RSF1: variants seen among roughly 807,000 people sequenced by gnomAD.
RSF1 encodes the protein remodeling and spacing factor 1, also known as HBV pX-associated protein 8.
Under a neutral mutation model 145.2 loss-of-function variants are expected in RSF1, and 13 were observed. The observed-to-expected ratio is 0.09, with a 90% CI of 0.06 to 0.14. RSF1 has a LOEUF of 0.14. Ranked by LOEUF, RSF1 falls within the 10% of genes least tolerant of loss-of-function variation. RSF1 has a pLI of 1.00. For synonymous variants in RSF1, 577 were observed against 592.6 expected (o/e 0.97, Z 0.38); for missense variants, 1,517 against 1,718.2 (o/e 0.88, Z 2.07).
chr11:77,788,222 G>GCTTT (rs1016143256), intron 1 of RSF1, among the ~76,000 whole-genome samples: 10 of 115,834 alleles, frequency 8.6e-5, no homozygotes, highest in African/African-American at 3.2e-4. Context: ...GGCATGCAAA[G>GCTTT]GAAGCAGAAA....
rs1255699249 is a variant in RSF1, at chr11:77,662,412, G to T, written c.*4505C>A. On this transcript the variant is annotated 3_prime_UTR_variant, in exon 16 of 16. Coordinates refer to ENST00000308488, the MANE Select transcript of RSF1 (RefSeq NM_016578.4). ...GGGTTTGCATGAATGAATACAAAAAGTGGTGAGTGTATACTCTAAAGTGGT... is the reference window on the plus strand; with the variant it reads ...GGGTTTGCATGAATGAATACAAAAATTGGTGAGTGTATACTCTAAAGTGGT... 1 of 152,096 alleles carries T rather than the reference G, an allele frequency of 6.6e-6. No individual in the cohort carries two copies. The highest frequency in any genetic ancestry group is 2.4e-5 in the African/African-American group (1 of 41,458). The allele number at this position is 152,096 out of a possible 1,614,324, so 9.4% of individuals were successfully genotyped here. A position where few individuals can be genotyped will look rare whatever the true frequency, so the allele number is the denominator to read the frequency against.
At chr11:77,751,333 C>G (rs1264988835) in intron 2 of RSF1, among the ~76,000 whole-genome samples, 1 of 152,286 alleles carries the variant, frequency 6.6e-6, no homozygotes, top group Admixed American at 6.5e-5. Flanking sequence ...GATCTCATCC[C>G]TGGGGGCAGC....
chr11:77,852,224 C>CAAAAAAAAAAAAAAAAAAAAAAA, the RSF1 span, among the ~76,000 whole-genome samples: 18 of 33,460 alleles, frequency 5.4e-4, no homozygotes, highest in Non-Finnish European at 6.8e-4. Flanking sequence ...GACACTGTCT[C>CAAAAAAAAAAAAAAAAAAAAAAA]AAAAAAAAAA....
At position 77,667,041 on chromosome 11, in the gene RSF1, C is replaced by T. The variant is rs748060654; in HGVS notation, c.4202G>A (p.Ser1401Asn). The T allele has an allele frequency of 4.3e-6, 7 of 1,614,000 alleles. No homozygotes were observed. The highest frequency in any genetic ancestry group is 1.1e-5 in the South Asian group (1 of 91,086). The change falls in exon 16 of 16, where the codon AGT (serine) becomes AAT (asparagine). Residue 1401 changes from serine to asparagine, a missense_variant. Physicochemically the swap from Ser to Asn is conservative, Grantham distance 46. Around this residue, in one of 12 missense-constraint regions of RSF1, gnomAD observed 240 missense variants for 231.8 expected, o/e 1.04. Coordinates refer to ENST00000308488, the MANE Select transcript of RSF1 (RefSeq NM_016578.4). ...TGTCCCATTGGAGGCTAGGCTTGCA[C>T]TGGCTGTGCTGTTGTCCTTGGGGGT... is the stretch of plus-strand genomic sequence containing the variant. ...SQTPKDNSTASASLASNGTSG... is the reference protein window; with the variant it reads ...SQTPKDNSTANASLASNGTSG...
chr11:77,728,521 A>G (rs2135891212), intron 4 of RSF1, among the ~76,000 whole-genome samples: 1 of 148,754 alleles, frequency 6.7e-6, no homozygotes, highest in East Asian at 2.0e-4. Flanking sequence ...AGGAAAGGAA[A>G]GGGGAAAGGA....
At chr11:77,734,171 T>G in intron 4 of RSF1, among the ~76,000 whole-genome samples, 1 of 152,216 alleles carries the variant, frequency 6.6e-6, no homozygotes, top group African/African-American at 2.4e-5. Context: ...TATGGTTTAA[T>G]GAAACTTAAC....
At chr11:77,807,326 A>G (rs965902209) in intron 1 of RSF1, among the ~76,000 whole-genome samples, 2 of 152,198 alleles carry the variant, frequency 1.3e-5, no homozygotes, top group African/African-American at 4.8e-5. Context: ...CCTGGCCAAA[A>G]TTAGGTACTT....
chr11:77,719,693 A>G (rs763717197), intron 5 of RSF1, among the ~76,000 whole-genome samples: 2 of 152,256 alleles, frequency 1.3e-5, no homozygotes, highest in African/African-American at 2.4e-5. Context: ...GGAAAAATCC[A>G]AATGTCCATC....
intron 4 of RSF1, chr11:77,734,371 G>A: frequency 1.3e-6 from 1 of 782,062 alleles, no homozygotes; most frequent in Non-Finnish European, 2.1e-6. Flanking sequence ...TTAGGTGGAT[G>A]TTTTGGTACA....
At chr11:77,851,718 A>G in the RSF1 span, among the ~76,000 whole-genome samples, 2 of 151,504 alleles carry the variant, frequency 1.3e-5, no homozygotes, top group Non-Finnish European at 2.9e-5. Flanking sequence ...TGACATGCCT[A>G]CTCCCACTTC....
intron 2 of RSF1, among the ~76,000 whole-genome samples, chr11:77,756,614 A>C (rs1182840157): frequency 6.6e-6 from 1 of 152,218 alleles, no homozygotes; most frequent in African/African-American, 2.4e-5. Flanking sequence ...TAAACTAGTA[A>C]GAAAATATCA....
At chr11:77,698,820 A>G in intron 6 of RSF1, 127 bp from the exon 7 acceptor site, 1 of 731,298 alleles carries the variant, frequency 1.4e-6, no homozygotes, top group Non-Finnish European at 2.3e-6. Context: ...AAATTATTAT[A>G]GTCTCATCAT....
At chr11:77,677,037 ATG>A in intron 12 of RSF1, 38 bp from the exon 13 acceptor site, 1 of 1,495,572 alleles carries the variant, frequency 6.7e-7, no homozygotes, top group Non-Finnish European at 9.3e-7. Context: ...AGAGAAAAAT[ATG>A]TGTTTATTAA....
chr11:77,674,158 T>C (rs564313478), intron 14 of RSF1, among the ~76,000 whole-genome samples: 1 of 152,126 alleles, frequency 6.6e-6, no homozygotes, highest in Non-Finnish European at 1.5e-5. Context: ...TAAAGGGGCA[T>C]GATATTATCA....
intron 2 of RSF1, among the ~76,000 whole-genome samples, chr11:77,756,175 C>T (rs1260760091): frequency 2.0e-5 from 3 of 151,674 alleles, no homozygotes; most frequent in African/African-American, 2.4e-5. Flanking sequence ...CTGACCAACA[C>T]GGAGAAACCC....
At position 77,766,660 on chromosome 11, in the gene RSF1, A is replaced by C. The variant is rs373345744; in HGVS notation, c.188-1971T>G. 3.0e-4 allele frequency among the ~76,000 whole-genome samples: 46 copies of C among 152,340 alleles called. No homozygotes were observed. In the East Asian group the frequency reaches 4.6e-3, roughly 15 times the overall value. On this transcript the variant is annotated intron_variant, in intron 1 of 15. Coordinates refer to ENST00000308488, the MANE Select transcript of RSF1 (RefSeq NM_016578.4). Reference sequence around the variant, plus strand: ...GATGCAAATAGCTAAAAAACCAAAAAGAACATGGAACTGGAGGAATGGACA... The same window carrying C: ...GATGCAAATAGCTAAAAAACCAAAACGAACATGGAACTGGAGGAATGGACA...
intron 4 of RSF1, chr11:77,738,613 C>A (rs1466544679): frequency 6.6e-6 from 1 of 152,296 alleles, no homozygotes; most frequent in East Asian, 1.9e-4. Context: ...TCAAACATAA[C>A]TGTTAACTCT....
chr11:77,836,050 T>C, the RSF1 span, among the ~76,000 whole-genome samples: 1 of 152,204 alleles, frequency 6.6e-6, no homozygotes, highest in African/African-American at 2.4e-5. Flanking sequence ...TGGAACAAAG[T>C]TCTTAACCAC....
intron 1 of RSF1, among the ~76,000 whole-genome samples, chr11:77,784,969 A>T (rs1948440161): frequency 6.6e-6 from 1 of 152,224 alleles, no homozygotes; most frequent in Non-Finnish European, 1.5e-5. Flanking sequence ...TCTTCTTTTC[A>T]GAACCTGGCC....
Sources: allele counts gnomAD v4.1 joint callset (sites outside exome capture counted in the v4.1 genomes callset), GRCh38; gene constraint gnomAD v4.1.1; regional missense constraint gnomAD v4.1.1; transcripts MANE v1.5; gene names NCBI Gene and HGNC (gene_info 2026-07-23, HGNC 2026-07-21).